Variants in HGS observed in about 807,000 individuals in gnomAD.
HGS encodes human growth factor-regulated tyrosine kinase substrate.
In HGS, 63 loss-of-function variants were observed where a neutral mutation model predicts 109.7. The observed-to-expected ratio is 0.57, with a 90% confidence interval of 0.47 to 0.71. HGS has a LOEUF of 0.71. Among genes scored for constraint, HGS ranks in the 30% least tolerant of loss-of-function variants. HGS has a pLI of 0.00. For missense variants in HGS, 995 were observed against 1,068.3 expected (o/e 0.93, Z 0.96); for synonymous variants, 546 against 437.3 (o/e 1.25, Z -3.10).
chr17:81,688,562 A>G, intron 4 of HGS, 142 bp from the exon 5 acceptor site: 1 of 986,216 alleles, frequency 1.0e-6, no homozygotes, highest in Admixed American at 2.3e-5. Context: ...CATGGCCCCC[A>G]CGCCCCACTC....
Position 81,691,001 on chromosome 17 carries a change from A to T in HGS, c.537+259A>T, listed in dbSNP as rs1315793482. ...AACCTAGGGCTACAGGCCTTGCCAC[A>T]GTCACTCTGCTGCTTGCCAGGGCCG... On this transcript the variant is annotated intron_variant, in intron 7 of 21. Coordinates refer to ENST00000329138, the MANE Select transcript of HGS (RefSeq NM_004712.5). The surrounding 1 kb of genome is among the most constrained non-coding windows in gnomAD (Gnocchi z 5.3). Among the ~76,000 whole-genome samples, 1 of 152,202 alleles carries T rather than the reference A, an allele frequency of 6.6e-6. No homozygotes were observed. The highest frequency in any genetic ancestry group is 2.4e-5 in the African/African-American group (1 of 41,456).
rs1598745935 is a variant in HGS, at chr17:81,691,072, C to A, written c.537+330C>A. On this transcript the variant is annotated intron_variant, in intron 7 of 21. Transcript: ENST00000329138. The surrounding 1 kb of genome is among the most constrained non-coding windows in gnomAD (Gnocchi z 5.3). ...GGCTTAGCCCATCTGGATTCTTACC[C>A]TCGAGGCATCTTCACATCAAAACCC... 1 of 446,660 alleles carries A rather than the reference C, an allele frequency of 2.2e-6. No homozygotes were observed. The highest frequency in any genetic ancestry group is 4.0e-5 in the East Asian group (1 of 25,168). The allele number at this position is 446,660 out of a possible 1,614,324, so 27.7% of individuals were successfully genotyped here.
chr17:81,688,579 C>T (rs2144487801), intron 4 of HGS, 125 bp from the exon 5 acceptor site: 3 of 1,226,694 alleles, frequency 2.4e-6, no homozygotes, highest in South Asian at 1.4e-5. Flanking sequence ...ACTCGGGGGG[C>T]CCTCCCTGGC....
At chr17:81,685,359 C>T (rs548168268) in intron 1 of HGS, among the ~76,000 whole-genome samples, 4 of 152,200 alleles carry the variant, frequency 2.6e-5, no homozygotes, top group Non-Finnish European at 4.4e-5. Context: ...GTCTTTACCT[C>T]GCTCGCGGGT....
intron 1 of HGS, among the ~76,000 whole-genome samples, chr17:81,684,721 G>C (rs2144478640): frequency 6.6e-6 from 1 of 152,326 alleles, no homozygotes; most frequent in East Asian, 1.9e-4. Flanking sequence ...ATGTGCACGT[G>C]CCCAGCAGCA....
chr17:81,686,886 C>T (rs2036987739), intron 3 of HGS, 117 bp from the exon 4 acceptor site: 1 of 770,558 alleles, frequency 1.3e-6, no homozygotes, highest in African/African-American at 1.7e-5. Context: ...TCCCCACCGG[C>T]CACTGACGGG....
At chr17:81,684,809 G>C (rs761915636) in intron 1 of HGS, 3 of 729,354 alleles carry the variant, frequency 4.1e-6, no homozygotes, top group Non-Finnish European at 5.0e-6. Context: ...TTTTTGTCAA[G>C]TAGGGTTTTC....
chr17:81,686,237 G>C, intron 2 of HGS, 75 bp from the exon 3 acceptor site: 1 of 1,261,890 alleles, frequency 7.9e-7, no homozygotes, highest in South Asian at 1.3e-5. Flanking sequence ...GGCAGCAGAT[G>C]AGCTTTTCTC....
intron 18 of HGS, among the ~76,000 whole-genome samples, chr17:81,698,571 A>G (rs1308154659): frequency 6.6e-6 from 1 of 152,160 alleles, no homozygotes; most frequent in East Asian, 1.9e-4. Context: ...CAACCCTGGA[A>G]GCAGCCATTT....
chr17:81,695,749 G>T, intron 14 of HGS, 37 bp from the exon 15 acceptor site: 2 of 1,600,990 alleles, frequency 1.2e-6, no homozygotes, highest in Non-Finnish European at 8.6e-7. Flanking sequence ...TGGCTGGGGC[G>T]TGGCCGCACT....
intron 11 of HGS, among the ~76,000 whole-genome samples, chr17:81,694,207 C>T (rs974555980): frequency 2.0e-5 from 3 of 152,186 alleles, no homozygotes; most frequent in South Asian, 2.1e-4. Context: ...GTGGGGGAGG[C>T]GCCTTGCTGG....
chr17:81,687,853 G>A (rs1387339351), intron 4 of HGS, among the ~76,000 whole-genome samples: 3 of 152,212 alleles, frequency 2.0e-5, no homozygotes, highest in Non-Finnish European at 4.4e-5. Flanking sequence ...GGGGATCCCG[G>A]TGGACAGCCA....
intron 15 of HGS, 130 bp from the exon 16 acceptor site, chr17:81,696,227 A>G: frequency 8.0e-7 from 1 of 1,255,424 alleles, no homozygotes; most frequent in Non-Finnish European, 1.1e-6. Flanking sequence ...TGCCTCCCCC[A>G]GAGCCCAGCA....
chr17:81,688,691 T>C lies in HGS; in HGVS notation c.292-13T>C. 1 of 1,613,212 alleles carries C rather than the reference T, an allele frequency of 6.2e-7. No homozygotes were observed. Among genetic ancestry groups the C allele is most frequent in the Non-Finnish European group, 8.5e-7 (1 of 1,179,674 alleles). On this transcript the variant is annotated splice_polypyrimidine_tract_variant and intron_variant, in intron 4 of 21. Transcript: ENST00000329138. ...GTGTCCTGCGACCCTCACCCCCTTC[T>C]CCCTGCCTGCAGAGACAAGTGGAGG...
At chr17:81,686,476 G>A (rs1284196264) in intron 3 of HGS, 89 bp downstream of exon 3, 3 of 926,380 alleles carry the variant, frequency 3.2e-6, no homozygotes, top group Non-Finnish European at 5.2e-6. Context: ...CTGTGGCCTT[G>A]CCCACCTCCC....
intron 18 of HGS, chr17:81,697,813 TTTA>T (rs1352359355): frequency 6.6e-6 from 1 of 152,186 alleles, no homozygotes; most frequent in Admixed American, 6.5e-5. Flanking sequence ...TGGAGACGTG[TTTA>T]TTTTTTCTTT....
chr17:81,686,036 T>C (rs2036974220), intron 2 of HGS, among the ~76,000 whole-genome samples: 1 of 152,118 alleles, frequency 6.6e-6, no homozygotes, highest in Non-Finnish European at 1.5e-5. Context: ...GCTCAAACGA[T>C]CGTCCCACCT....
At position 81,696,732 on chromosome 17, in the gene HGS, CCT is replaced by C; in HGVS notation, c.1693_1694del (p.Leu565AlafsTer63). On this transcript the variant is annotated frameshift_variant, in exon 17 of 22. Transcript: ENST00000329138. LOFTEE classifies it high-confidence loss of function. ...QMRAQMPAFPLPYAQLQAMPA... is the reference protein window; with the variant it reads ...QMRAQMPAFPXPYAQLQAMPA... ...TGCGCGCGCAGATGCCCGCCTTCCC[CCT>C]GCCCTACGCCCAGGCATGTGCCATC... The C allele has an allele frequency of 6.2e-7, 1 of 1,607,666 alleles. No homozygotes were observed. The highest frequency in any genetic ancestry group is 1.1e-5 in the South Asian group (1 of 90,798).
chr17:81,691,410 A>G lies in HGS; in HGVS notation c.538-37A>G, dbSNP rs745689552. 8.1e-6 allele frequency: 13 copies of G among 1,611,842 alleles called. No homozygotes were observed. In the African/African-American group the frequency reaches 1.3e-4, roughly 17 times the overall value. On this transcript the variant is annotated intron_variant, in intron 7 of 21. Transcript: ENST00000329138. This position sits in a 1 kb window ranked among gnomAD's most constrained non-coding sequence, Gnocchi z 5.3. ...GCCGGGTGGCGCATCAGGGTCCCCC[A>G]GTGCCTGTGACCAGGCCCGCCCGCC...
Sources: gnomAD v4.1 joint callset for allele counts (sites outside exome capture counted in the v4.1 genomes callset) on GRCh38, gnomAD v4.1.1 for gene constraint, Gnocchi (gnomAD v3.1) non-coding constraint, MANE v1.5 for transcripts, NCBI Gene and HGNC (gene_info 2026-07-23, HGNC 2026-07-21) for gene names.